XXYLT1: variants seen among roughly 807,000 people sequenced by gnomAD.
XXYLT1 encodes the protein xyloside xylosyltransferase 1.
A neutral mutation model predicts 28.9 loss-of-function variants in XXYLT1; 20 were observed. The observed-to-expected ratio is 0.69, with a 90% confidence interval of 0.49 to 1.00. The LOEUF is 1.00. Ranked by LOEUF, XXYLT1 falls within the 50% of genes least tolerant of loss-of-function variation. XXYLT1 has a pLI of 0.00. For synonymous variants in XXYLT1, 257 were observed against 253.8 expected, an observed-to-expected ratio of 1.01 and a Z score of -0.12; for missense variants, 542 against 560.1, an observed-to-expected ratio of 0.97 and a Z score of 0.33.
At chr3:195,153,014 G>C (rs1720358416) in intron 3 of XXYLT1, among the ~76,000 whole-genome samples, 1 of 152,230 alleles carries the variant, frequency 6.6e-6, no homozygotes, top group African/African-American at 2.4e-5. Context: ...CCCAGGCAGG[G>C]GCAAGAGGGG....
rs1714697530 is a variant in XXYLT1, at chr3:195,069,891, T to C, written c.1006A>G (p.Met336Val). 2 of 1,614,110 alleles carry C rather than the reference T, an allele frequency of 1.2e-6. No homozygotes were observed. The highest frequency in any genetic ancestry group is 2.2e-5 in the East Asian group (1 of 44,876). ...GHLGDQDFFT[M>V]IGMEHPKLFH... ...AGCTTGGGGTGCTCCATGCCGATCA[T>C]GGTGAAGAAGTCCTGGTCCCCGAGG... Residue 336 changes from methionine (M) to valine (V), a missense_variant, in exon 4 of 4, where the codon ATG becomes GTG. Transcript: ENST00000310380.
intron 3 of XXYLT1, among the ~76,000 whole-genome samples, chr3:195,132,084 C>A (rs1357180572): frequency 1.3e-5 from 2 of 152,172 alleles, no homozygotes; most frequent in Non-Finnish European, 2.9e-5. Context: ...TGCCAGCCTG[C>A]AATACCCAGA....
chr3:195,107,202 G>A (rs923805477), intron 3 of XXYLT1, among the ~76,000 whole-genome samples: 1 of 151,980 alleles, frequency 6.6e-6, no homozygotes, highest in Non-Finnish European at 1.5e-5. Context: ...GGCCGGGTGC[G>A]GTGGCTCACG....
rs941085300 is a variant in XXYLT1, at chr3:195,212,497, T to G, written c.652+14212A>C. 2.6e-5 allele frequency among the ~76,000 whole-genome samples: 4 copies of G among 152,116 alleles called. No homozygotes were observed. In the East Asian group the frequency reaches 5.8e-4, roughly 22 times the overall value. ...TCTGGGGCAGGGTCCCCAAGCCCCATGCGAACAGGTACAGGTCAGTGGCCT... is the reference window on the plus strand; with the variant it reads ...TCTGGGGCAGGGTCCCCAAGCCCCAGGCGAACAGGTACAGGTCAGTGGCCT... On this transcript the variant is annotated intron_variant, in intron 2 of 3. Transcript: ENST00000310380.
intron 3 of XXYLT1, among the ~76,000 whole-genome samples, chr3:195,110,353 G>GTGGTCTGTGT (rs1717536813): frequency 8.0e-6 from 1 of 125,218 alleles, no homozygotes; most frequent in African/African-American, 3.7e-5. Context: ...GTGGTGTGTG[G>GTGGTCTGTGT]TGTATGTGCG....
chr3:195,150,689 G>A lies in XXYLT1; in HGVS notation c.785+5760C>T, dbSNP rs1398462135. 2.0e-5 allele frequency among the ~76,000 whole-genome samples: 3 copies of A among 152,064 alleles called. No homozygotes were observed. The highest frequency in any genetic ancestry group is 7.2e-5 in the African/African-American group (3 of 41,386). On this transcript the variant is annotated intron_variant, in intron 3 of 3. Transcript: ENST00000310380. The surrounding 1 kb of genome is among the most constrained non-coding windows in gnomAD (Gnocchi z 4.7). ...GAGAATGAAACCGGAAGCCTATGCC[G>A]CCACCAACAAGCTCCCATTCAGAGG...
chr3:195,120,278 T>G (rs1223644964), intron 3 of XXYLT1, among the ~76,000 whole-genome samples: 1 of 73,234 alleles, frequency 1.4e-5, no homozygotes, highest in Non-Finnish European at 2.8e-5. Flanking sequence ...CCTCTGCTGC[T>G]CAGATGCCCC....
At chr3:195,147,306 A>C (rs1489660804) in intron 3 of XXYLT1, among the ~76,000 whole-genome samples, 1 of 152,194 alleles carries the variant, frequency 6.6e-6, no homozygotes, top group African/African-American at 2.4e-5. Flanking sequence ...ATGGTGACTC[A>C]CACCTGTAAT....
At chr3:195,089,849 A>C (rs1366834603) in intron 3 of XXYLT1, among the ~76,000 whole-genome samples, 2 of 152,140 alleles carry the variant, frequency 1.3e-5, no homozygotes, top group Non-Finnish European at 2.9e-5. Flanking sequence ...AAGCCAATGG[A>C]AAACAAAAAA....
At chr3:195,190,493 CAAAAAAAAAAAAAA>C (rs57722997) in intron 2 of XXYLT1, among the ~76,000 whole-genome samples, 1 of 34,986 alleles carries the variant, frequency 2.9e-5, no homozygotes, top group African/African-American at 6.4e-5. Context: ...GACTCTGTCT[CAAAAAAAAAAAAAA>C]AAAAAAAAAA....
chr3:195,224,399 T>G (rs902407790), intron 2 of XXYLT1, among the ~76,000 whole-genome samples: 5 of 152,172 alleles, frequency 3.3e-5, no homozygotes, highest in Admixed American at 6.5e-5. Context: ...CCCCCTGAGC[T>G]ATGCCAGGCT....
At position 195,240,135 on chromosome 3, in the gene XXYLT1, A is replaced by G. The variant is rs749125866; in HGVS notation, c.505-13279T>C. Among the ~76,000 whole-genome samples, 3 of 152,212 alleles carry G rather than the reference A, an allele frequency of 2.0e-5. No homozygotes were observed. Among genetic ancestry groups the G allele is most frequent in the Non-Finnish European group, 4.4e-5 (3 of 68,028 alleles). On this transcript the variant is annotated intron_variant, in intron 1 of 3. Coordinates refer to ENST00000310380, the MANE Select transcript of XXYLT1 (RefSeq NM_152531.5). The surrounding 1 kb of genome is among the most constrained non-coding windows in gnomAD (Gnocchi z 4.7). ...TCCTCAAACAGTACTTTGTTGTTCA[A>G]ACTAAAATATGTAACCGAGAAAGTG...
At chr3:195,132,012 C>A (rs1162515245) in intron 3 of XXYLT1, among the ~76,000 whole-genome samples, 1 of 152,136 alleles carries the variant, frequency 6.6e-6, no homozygotes, top group Non-Finnish European at 1.5e-5. Context: ...GCCAGTGAGA[C>A]TTGGGGGAGC....
intron 1 of XXYLT1, chr3:195,270,345 C>A: frequency 8.5e-7 from 1 of 1,178,134 alleles, no homozygotes; most frequent in Non-Finnish European, 1.1e-6. Context: ...AAAAACGCAG[C>A]TCCACTCCTC....
chr3:195,069,455 C>A lies in XXYLT1; in HGVS notation c.*260G>T. On this transcript the variant is annotated 3_prime_UTR_variant, in exon 4 of 4. Transcript: ENST00000310380. Reference sequence around the variant, plus strand: ...CTTCCTTCTCTTCAAGTGCTTGCTTCCCAGCCCACTGGACATGCGTGTCCT... The same window carrying A: ...CTTCCTTCTCTTCAAGTGCTTGCTTACCAGCCCACTGGACATGCGTGTCCT... 1 of 453,976 alleles carries A rather than the reference C, an allele frequency of 2.2e-6. No individual in the cohort carries two copies. The highest frequency in any genetic ancestry group is 3.4e-5 in the East Asian group (1 of 29,672). The allele number at this position is 453,976 out of a possible 1,614,324, so 28.1% of individuals were successfully genotyped here. A position where few individuals can be genotyped will look rare whatever the true frequency, so the allele number is the denominator to read the frequency against.
intron 3 of XXYLT1, among the ~76,000 whole-genome samples, chr3:195,097,361 A>G (rs190198617): frequency 2.0e-4 from 31 of 152,322 alleles, no homozygotes; most frequent in African/African-American, 6.7e-4. Context: ...CGCGGGTTAC[A>G]GCAATGGCAA....
chr3:195,219,073 C>A (rs553258886), intron 2 of XXYLT1, among the ~76,000 whole-genome samples: 215 of 151,648 alleles, frequency 1.4e-3, no homozygotes, highest in African/African-American at 4.7e-3. Context: ...GAACAAAAAA[C>A]CAAACACAGC....
At chr3:195,117,236 T>C (rs1205139463) in intron 3 of XXYLT1, among the ~76,000 whole-genome samples, 1 of 152,048 alleles carries the variant, frequency 6.6e-6, no homozygotes, top group Non-Finnish European at 1.5e-5. Context: ...CGCGTCCATA[T>C]GTACAAATGA....
In XXYLT1 at chr3:195,231,803, T is replaced by C. The variant is rs111733340; in HGVS notation, c.505-4947A>G. 6.6e-3 allele frequency among the ~76,000 whole-genome samples: 1,001 copies of C among 152,240 alleles called. 10 individuals carry two copies. The highest frequency in any genetic ancestry group is 0.023 in the African/African-American group (948 of 41,552). On this transcript the variant is annotated intron_variant, in intron 1 of 3. Transcript: ENST00000310380. ...CTGACTTTGGTTTGTTAGCATTTTG[T>C]TGAGAATTTTTGCATCAGTGTTCAT...
Sources: allele counts gnomAD v4.1 joint callset (sites outside exome capture counted in the v4.1 genomes callset), GRCh38; gene constraint gnomAD v4.1.1; non-coding constraint Gnocchi (gnomAD v3.1); transcripts MANE v1.5; gene names NCBI Gene and HGNC (gene_info 2026-07-23, HGNC 2026-07-21).